The following TANGO6 variants were observed in gnomAD, a reference collection of about 807,000 sequenced individuals.
TANGO6 encodes the protein transport and Golgi organization protein 6 homolog.
A neutral mutation model predicts 114.2 loss-of-function variants in TANGO6; 90 were observed. The ratio of observed to expected loss-of-function variants is 0.79; its 90% CI spans 0.66 to 0.94. TANGO6 has a LOEUF of 0.94. Among genes scored for constraint, TANGO6 ranks in the 40% least tolerant of loss-of-function variants. TANGO6 has a pLI of 0.00. For synonymous variants in TANGO6, 477 were observed against 509.8 expected, an observed-to-expected ratio of 0.94 and a Z score of 0.87; for missense variants, 1,274 against 1,315.3, an observed-to-expected ratio of 0.97 and a Z score of 0.49.
chr16:69,022,279 A>G (rs1225555985), intron 15 of TANGO6, among the ~76,000 whole-genome samples: 1 of 152,210 alleles, frequency 6.6e-6, no homozygotes, highest in African/African-American at 2.4e-5. Context: ...TTATCTCTAC[A>G]TGTAGACTTT....
chr16:69,030,464 G>GC (rs1237660967), intron 16 of TANGO6, among the ~76,000 whole-genome samples: 1 of 152,048 alleles, frequency 6.6e-6, no homozygotes, highest in Non-Finnish European at 1.5e-5. Context: ...AGAGGGAGCA[G>GC]CTGTGCAAAG....
rs770564418 is a variant in TANGO6 at position 68,907,540 on chromosome 16, G to C, written c.1765G>C (p.Gly589Arg). The C allele has an allele frequency of 1.9e-6, 3 of 1,613,504 alleles. No homozygotes were observed. The African/African-American group carries it at 4.0e-5, about 22-fold the overall frequency. Residue 589 changes from glycine (G) to arginine (R), a missense_variant, in exon 10 of 18, where the codon GGT becomes CGT. By Grantham distance (125) the Gly-to-Arg change is moderately radical. Coordinates refer to ENST00000261778, the MANE Select transcript of TANGO6 (RefSeq NM_024562.2). ...CTTGCTGTCCCACTGCCAGGAATGC[G>C]GTTTGGCAGGAGACTTCTTCATCTT... ...GDLLSHCQECGLAGDFFIFCL... is the reference protein window; with the variant it reads ...GDLLSHCQECRLAGDFFIFCL...
chr16:69,060,919 G>A (rs770789252), intron 17 of TANGO6, among the ~76,000 whole-genome samples: 1 of 151,998 alleles, frequency 6.6e-6, no homozygotes, highest in Non-Finnish European at 1.5e-5. Context: ...TTGAACCCGG[G>A]AGGCAGAGGT....
intron 7 of TANGO6, among the ~76,000 whole-genome samples, chr16:68,892,995 A>G (rs968369860): frequency 6.6e-6 from 1 of 152,232 alleles, no homozygotes; most frequent in Non-Finnish European, 1.5e-5. Context: ...AAAACCTTTC[A>G]ACTGAACATG....
At chr16:69,040,225 T>C (rs900420547) in intron 16 of TANGO6, 83 bp from the exon 17 acceptor site, 13 of 1,174,872 alleles carry the variant, frequency 1.1e-5, no homozygotes, top group Admixed American at 2.0e-5. Flanking sequence ...GATGAATGTG[T>C]AGTAAGTGGA....
intron 17 of TANGO6, among the ~76,000 whole-genome samples, chr16:69,073,891 G>T (rs9939741): frequency 6.6e-6 from 1 of 151,736 alleles, no homozygotes; most frequent in Non-Finnish European, 1.5e-5. Flanking sequence ...GGAGGCAGAG[G>T]TTGCAGTGAG....
intron 14 of TANGO6, 156 bp from the exon 15 acceptor site, chr16:68,973,872 A>T: frequency 1.3e-6 from 1 of 792,242 alleles, no homozygotes; most frequent in Non-Finnish European, 2.0e-6. Context: ...CGTTCCACTC[A>T]CTATGCTGAC....
intron 14 of TANGO6, among the ~76,000 whole-genome samples, chr16:68,935,478 T>C (rs965636500): frequency 1.3e-5 from 2 of 152,220 alleles, no homozygotes; most frequent in African/African-American, 4.8e-5. Flanking sequence ...CTGATGTCTA[T>C]ATTATCTATC....
At chr16:68,951,292 C>T (rs370197770) in intron 14 of TANGO6, among the ~76,000 whole-genome samples, 4 of 148,152 alleles carry the variant, frequency 2.7e-5, no homozygotes, top group African/African-American at 1.0e-4. Context: ...AACTGCACTC[C>T]AGCCTGGGTG....
intron 15 of TANGO6, among the ~76,000 whole-genome samples, chr16:68,980,405 C>CTCTCTCTCTCTCTCTCTCTCTCTT (rs1963815506): frequency 1.5e-5 from 1 of 67,428 alleles, no homozygotes; most frequent in African/African-American, 6.4e-5. Context: ...CTCTCTCTCT[C>CTCTCTCTCTCTCTCTCTCTCTCTT]TCTCTATATA....
At position 68,960,349 on chromosome 16, in the gene TANGO6, T is replaced by C. The variant is rs554225852; in HGVS notation, c.2702-13679T>C. On this transcript the variant is annotated intron_variant, in intron 14 of 17. Transcript: ENST00000261778. Reference sequence around the variant, plus strand: ...CTCCAGAACCTTGATCATCATGGTGTTCTTAAGGCACAGCTTTCCTGACTT... The same window carrying C: ...CTCCAGAACCTTGATCATCATGGTGCTCTTAAGGCACAGCTTTCCTGACTT... Among the ~76,000 whole-genome samples, 82 of 151,298 alleles carry C rather than the reference T, an allele frequency of 5.4e-4. 1 individual carries two copies. Among genetic ancestry groups the C allele is most frequent in the Admixed American group, 4.8e-3 (73 of 15,180 alleles).
chr16:69,063,993 C>T (rs1324881646), intron 17 of TANGO6, among the ~76,000 whole-genome samples: 2 of 151,996 alleles, frequency 1.3e-5, no homozygotes, highest in African/African-American at 2.4e-5. Flanking sequence ...TGTGCCACCA[C>T]GCGTGGCTAA....
chr16:68,991,176 A>T (rs1183195133), intron 15 of TANGO6, among the ~76,000 whole-genome samples: 3 of 152,234 alleles, frequency 2.0e-5, no homozygotes, highest in African/African-American at 7.2e-5. Context: ...GGGTAGAGCC[A>T]TACCACAGAC....
At chr16:69,040,494 AG>A in intron 17 of TANGO6, 73 bp downstream of exon 17, 2 of 1,290,844 alleles carry the variant, frequency 1.5e-6, no homozygotes, top group Non-Finnish European at 2.2e-6. Context: ...TCCTTTTACC[AG>A]GGAAGGCCTC....
chr16:69,006,481 T>C (rs1364289242), intron 15 of TANGO6, among the ~76,000 whole-genome samples: 1 of 152,092 alleles, frequency 6.6e-6, no homozygotes, highest in Non-Finnish European at 1.5e-5. Context: ...CGGTGGCTCA[T>C]GCCTGTAATC....
intron 17 of TANGO6, among the ~76,000 whole-genome samples, chr16:69,043,599 C>T (rs1488114213): frequency 6.6e-6 from 1 of 152,120 alleles, no homozygotes; most frequent in Non-Finnish European, 1.5e-5. Flanking sequence ...ACAGATGATT[C>T]CTCTTCCTGG....
chr16:68,898,732 T>G (rs1962742342), intron 7 of TANGO6, among the ~76,000 whole-genome samples: 1 of 152,150 alleles, frequency 6.6e-6, no homozygotes, highest in African/African-American at 2.4e-5. Flanking sequence ...AGCATAGTAC[T>G]TGGAAGATAA....
chr16:68,864,043 G>T (rs1207650298), intron 3 of TANGO6, among the ~76,000 whole-genome samples: 3 of 151,848 alleles, frequency 2.0e-5, no homozygotes, highest in African/African-American at 7.3e-5. Flanking sequence ...GCATGGTGAC[G>T]CATGCCTGTA....
chr16:68,844,289 C>G (rs1399528753), intron 1 of TANGO6, among the ~76,000 whole-genome samples: 1 of 152,104 alleles, frequency 6.6e-6, no homozygotes, highest in Non-Finnish European at 1.5e-5. Context: ...GCTGCTACTC[C>G]TTTTGCGACT....
Sources: gnomAD v4.1 joint callset for allele counts (sites outside exome capture counted in the v4.1 genomes callset) on GRCh38, gnomAD v4.1.1 for gene constraint, MANE v1.5 for transcripts, NCBI Gene and HGNC (gene_info 2026-07-23, HGNC 2026-07-21) for gene names.